The following CWF19L2 variants were observed in gnomAD, a reference collection of about 807,000 sequenced individuals.
CWF19L2 encodes the protein CWF19-like protein 2.
CWF19L2 carries 98 observed loss-of-function variants against 111.7 expected under a neutral mutation model. That is an observed-to-expected ratio of 0.88 (90% CI 0.75 to 1.04). CWF19L2 has a LOEUF of 1.04. CWF19L2 is among the 50% of genes least tolerant of loss of function. The probability of loss-of-function intolerance (pLI) is 0.00; values close to 1 mark genes in which losing one functional copy is unlikely to be tolerated. For synonymous variants in CWF19L2, 351 were observed against 342.9 expected (o/e 1.02, Z -0.26); for missense variants, 1,101 against 1,051.4 (o/e 1.05, Z -0.65).
chr11:107,429,194 C>A lies in CWF19L2; in HGVS notation c.1038G>T (p.Thr346=). The change falls in exon 8 of 18, where the codon ACG becomes ACT. Residue 346 remains threonine (T), a synonymous_variant. Transcript: ENST00000282251. ...GCCTTGGGTTAGATTCTCTTCTACA[C>A]GTTTCTAAAGACCCAGGTCTCTTAT... is the stretch of plus-strand genomic sequence containing the variant. ...EKDKRPGSLE[T]CRRESNPRQN... 6.2e-7 allele frequency: 1 copy of A among 1,613,720 alleles called. No homozygotes were observed. Among genetic ancestry groups the A allele is most frequent in the Non-Finnish European group, 8.5e-7 (1 of 1,179,766 alleles).
intron 12 of CWF19L2, among the ~76,000 whole-genome samples, chr11:107,389,299 T>C (rs1253773315): frequency 6.6e-6 from 1 of 152,222 alleles, no homozygotes; most frequent in South Asian, 2.1e-4. Context: ...TTATGGACTA[T>C]CCACTCTCTG....
chr11:107,362,001 G>A (rs1184245212), intron 12 of CWF19L2, among the ~76,000 whole-genome samples: 4 of 152,232 alleles, frequency 2.6e-5, no homozygotes, highest in African/African-American at 4.8e-5. Flanking sequence ...GCGAGGCATT[G>A]CCGCACTTGG....
At chr11:107,455,128 GTAT>G (rs1243140603) in intron 2 of CWF19L2, among the ~76,000 whole-genome samples, 3 of 151,936 alleles carry the variant, frequency 2.0e-5, no homozygotes, top group African/African-American at 7.3e-5. Flanking sequence ...TAATAATAAG[GTAT>G]TATCTATTTC....
At chr11:107,351,834 G>A (rs1272316500) in intron 13 of CWF19L2, among the ~76,000 whole-genome samples, 1 of 152,176 alleles carries the variant, frequency 6.6e-6, no homozygotes, top group Non-Finnish European at 1.5e-5. Flanking sequence ...TGCTAATTCT[G>A]TTGGAACAAG....
chr11:107,425,696 G>T (rs999733779), intron 8 of CWF19L2, among the ~76,000 whole-genome samples: 1 of 151,870 alleles, frequency 6.6e-6, no homozygotes, highest in Non-Finnish European at 1.5e-5. Context: ...CTTGCTTAAA[G>T]ATCTCACAAC....
At chr11:107,367,248 C>G (rs1484594185) in intron 12 of CWF19L2, among the ~76,000 whole-genome samples, 1 of 134,200 alleles carries the variant, frequency 7.5e-6, no homozygotes, top group Admixed American at 7.4e-5. Flanking sequence ...ACTAGTTCAA[C>G]CATTGTGGAA....
intron 12 of CWF19L2, among the ~76,000 whole-genome samples, chr11:107,359,301 C>G (rs1468120148): frequency 6.6e-6 from 1 of 152,196 alleles, no homozygotes; most frequent in African/African-American, 2.4e-5. Flanking sequence ...GCCTTCCTGG[C>G]ATGCCATGCT....
intron 15 of CWF19L2, 75 bp downstream of exon 15, chr11:107,336,483 A>T: frequency 8.4e-7 from 1 of 1,190,532 alleles, no homozygotes; most frequent in Non-Finnish European, 1.2e-6. Flanking sequence ...AAAATATGTT[A>T]ATAAAGACAA....
chr11:107,414,109 T>C (rs1298118498), intron 10 of CWF19L2, among the ~76,000 whole-genome samples: 1 of 152,190 alleles, frequency 6.6e-6, no homozygotes, highest in Admixed American at 6.5e-5. Context: ...AATAATGACA[T>C]GGACTACCTC....
intron 10 of CWF19L2, among the ~76,000 whole-genome samples, chr11:107,398,196 TG>T (rs146335078): frequency 0.017 from 2,508 of 151,932 alleles, 71 homozygotes; most frequent in African/African-American, 0.057. Flanking sequence ...ATTTCTAACC[TG>T]AAAAAGAATT....
At chr11:107,346,314 A>C (rs1002515844) in intron 14 of CWF19L2, among the ~76,000 whole-genome samples, 6 of 152,144 alleles carry the variant, frequency 3.9e-5, no homozygotes, top group African/African-American at 1.4e-4. Flanking sequence ...ATTTATCTCT[A>C]CTCTCTCCAC....
chr11:107,451,542 A>C (rs1861778305), intron 3 of CWF19L2, among the ~76,000 whole-genome samples: 1 of 152,190 alleles, frequency 6.6e-6, no homozygotes, highest in African/African-American at 2.4e-5. Flanking sequence ...GATAAGCCTC[A>C]AGACAGACTG....
At position 107,392,937 on chromosome 11, in the gene CWF19L2, G is replaced by A. The variant is rs774140497; in HGVS notation, c.1618-42C>T. On this transcript the variant is annotated intron_variant, in intron 10 of 17. Coordinates refer to ENST00000282251, the MANE Select transcript of CWF19L2 (RefSeq NM_152434.3). ...AGATAACTATTGAAATTATTGTGAA[G>A]AATGTTGAATGTTTTTATTTAATAA... The A allele has an allele frequency of 6.8e-6, 8 of 1,183,122 alleles. 1 individual carries two copies. In the East Asian group the frequency reaches 2.1e-4, roughly 31 times the overall value. 73.3% of individuals were successfully genotyped at this position (1,183,122 alleles called of 1,614,324 possible).
intron 12 of CWF19L2, among the ~76,000 whole-genome samples, chr11:107,367,730 TG>T (rs199849849): frequency 0.3 from 35,891 of 120,914 alleles, 9,317 homozygotes; most frequent in Non-Finnish European, 0.36. Context: ...TAATGCTAGA[TG>T]ACGAGTTACT....
At chr11:107,327,631 A>G (rs1166002494) in intron 17 of CWF19L2, among the ~76,000 whole-genome samples, 1 of 152,176 alleles carries the variant, frequency 6.6e-6, no homozygotes, top group African/African-American at 2.4e-5. Flanking sequence ...AAGTCCCATA[A>G]TAAATGGCTT....
At chr11:107,369,454 C>G (rs554976179) in intron 12 of CWF19L2, among the ~76,000 whole-genome samples, 1 of 137,332 alleles carries the variant, frequency 7.3e-6, no homozygotes, top group East Asian at 2.1e-4. Context: ...AGAAAAAACA[C>G]AAAATGCCAC....
intron 14 of CWF19L2, among the ~76,000 whole-genome samples, chr11:107,345,074 A>T (rs577773199): frequency 2.6e-5 from 4 of 152,104 alleles, no homozygotes; most frequent in South Asian, 4.1e-4. Context: ...TCCACTCATC[A>T]TTACCTTCAC....
At chr11:107,454,780 T>A (rs1861830216) in intron 2 of CWF19L2, among the ~76,000 whole-genome samples, 1 of 152,198 alleles carries the variant, frequency 6.6e-6, no homozygotes, top group Non-Finnish European at 1.5e-5. Flanking sequence ...ATCATATAAC[T>A]GAGACTTCTT....
At position 107,383,895 on chromosome 11, in the gene CWF19L2, C is replaced by T. The variant is rs561754671; in HGVS notation, c.1872+6179G>A. On this transcript the variant is annotated intron_variant, in intron 12 of 17. Coordinates refer to ENST00000282251, the MANE Select transcript of CWF19L2 (RefSeq NM_152434.3). ...TGCCCCCAGTTTAAATTGGGTCACC[C>T]AGGTGTTACTTCCAAAAGACTTTTC... Among the ~76,000 whole-genome samples the T allele has an allele frequency of 3.3e-5, 5 of 152,284 alleles. No homozygotes were observed. The South Asian group carries it at 1.0e-3, about 32-fold the overall frequency.
Sources: gnomAD v4.1 joint callset for allele counts (sites outside exome capture counted in the v4.1 genomes callset) on GRCh38, gnomAD v4.1.1 for gene constraint, MANE v1.5 for transcripts, NCBI Gene and HGNC (gene_info 2026-07-23, HGNC 2026-07-21) for gene names.